CEP63: variants seen among roughly 807,000 people sequenced by gnomAD.
CEP63 encodes the protein centrosomal protein 63, also known as centrosomal protein of 63 kDa.
A neutral mutation model predicts 89.1 loss-of-function variants in CEP63; 84 were observed. That is an observed-to-expected ratio of 0.94 (90% CI 0.79 to 1.13). The LOEUF (loss-of-function observed/expected upper bound fraction) is 1.13. Among genes scored for constraint, CEP63 ranks in the 50% most tolerant of loss-of-function variants. The probability of loss-of-function intolerance (pLI) is 0.00; values close to 1 mark genes in which losing one functional copy is unlikely to be tolerated. For missense variants in CEP63, 838 were observed against 813.3 expected (o/e 1.03, Z -0.37); for synonymous variants, 267 against 272.5 (o/e 0.98, Z 0.20).
At chr3:134,658,011 C>A in the CEP63 span, among the ~76,000 whole-genome samples, 10 of 152,208 alleles carry the variant, frequency 6.6e-5, no homozygotes, top group Non-Finnish European at 5.9e-5. Context: ...ATTTTCCTGA[C>A]TCAGCCTCCG....
At position 134,564,766 on chromosome 3, in the gene CEP63, A is replaced by C. The variant is rs1395972029; in HGVS notation, c.*3231A>C. Reference sequence around the variant, plus strand: ...TTTAGACAGTCCCAAGCTTCAGCTTAAAATCTGTAGACTGCAGCCCGTTTC... The same window carrying C: ...TTTAGACAGTCCCAAGCTTCAGCTTCAAATCTGTAGACTGCAGCCCGTTTC... On this transcript the variant is annotated 3_prime_UTR_variant, in exon 15 of 15. Coordinates refer to ENST00000675561, the MANE Select transcript of CEP63 (RefSeq NM_001353108.3). 6 of 985,360 alleles carry C rather than the reference A, an allele frequency of 6.1e-6. No individual in the cohort carries two copies. The highest frequency in any genetic ancestry group is 6.1e-5 in the Admixed American group (1 of 16,266). 61.0% of individuals were successfully genotyped at this position (985,360 alleles called of 1,614,324 possible).
chr3:134,695,026 G>A, the CEP63 span, among the ~76,000 whole-genome samples: 2 of 152,180 alleles, frequency 1.3e-5, no homozygotes, highest in Non-Finnish European at 2.9e-5. Context: ...TGTGAAGCAG[G>A]TTCTTGCAAA....
At chr3:134,643,475 C>A in the CEP63 span, 1 of 1,014,410 alleles carries the variant, frequency 9.9e-7, no homozygotes, top group Non-Finnish European at 1.5e-6. Context: ...GGTGGGCTGG[C>A]GGGGGCCAAG....
chr3:134,533,921 A>T (rs1339752298), intron 5 of CEP63, among the ~76,000 whole-genome samples: 2 of 152,180 alleles, frequency 1.3e-5, no homozygotes, highest in Admixed American at 1.3e-4. Context: ...AGAGCTTAGA[A>T]TCAGAAGACT....
chr3:134,647,620 G>T, the CEP63 span: 1 of 605,870 alleles, frequency 1.7e-6, no homozygotes, highest in Non-Finnish European at 2.9e-6. Flanking sequence ...TCTGAGAGAG[G>T]CTACCCATGA....
chr3:134,651,568 A>G, the CEP63 span: 3 of 992,018 alleles, frequency 3.0e-6, no homozygotes, highest in Non-Finnish European at 2.4e-6. Context: ...TTGGAGGTTG[A>G]CAGCTCTCTC....
rs1327155591 is a variant in CEP63 at position 134,522,247 on chromosome 3, A to G, written c.223-9598A>G. On this transcript the variant is annotated intron_variant, in intron 3 of 14. Coordinates refer to ENST00000675561, the MANE Select transcript of CEP63 (RefSeq NM_001353108.3). ...ATGGATGAAAAGACTCAAAGTGCCAAGAGATCAGGAAAATTCAGATCAATC... is the reference window on the plus strand; with the variant it reads ...ATGGATGAAAAGACTCAAAGTGCCAGGAGATCAGGAAAATTCAGATCAATC... Among the ~76,000 whole-genome samples the G allele has an allele frequency of 2.0e-5, 3 of 152,202 alleles. 1 individual carries two copies. Among genetic ancestry groups the G allele is most frequent in the South Asian group, 4.1e-4 (2 of 4,830 alleles).
chr3:134,739,703 G>GTTT, the CEP63 span, among the ~76,000 whole-genome samples: 647 of 143,704 alleles, frequency 4.5e-3, 4 homozygotes, highest in Non-Finnish European at 6.4e-3. Flanking sequence ...ATCAATGCTT[G>GTTT]TTTTTTTTTT....
chr3:134,661,137 T>A, the CEP63 span, among the ~76,000 whole-genome samples: 1 of 152,234 alleles, frequency 6.6e-6, no homozygotes, highest in Non-Finnish European at 1.5e-5. Context: ...GCAGCCTTCC[T>A]GCCCAGCCCA....
At chr3:134,608,512 C>G in the CEP63 span, 1 of 1,570,148 alleles carries the variant, frequency 6.4e-7, no homozygotes, top group East Asian at 2.3e-5. Context: ...CATGCACACA[C>G]AAGCTTTGTG....
the CEP63 span, among the ~76,000 whole-genome samples, chr3:134,606,176 G>T: frequency 6.6e-6 from 1 of 152,122 alleles, no homozygotes; most frequent in African/African-American, 2.4e-5. Flanking sequence ...AACTGGCTGT[G>T]AGTCTTTTCT....
At position 134,546,113 on chromosome 3, in the gene CEP63, G is replaced by C. The variant is rs77743283; in HGVS notation, c.790-36G>C. 3.1e-4 allele frequency: 492 copies of C among 1,609,782 alleles called. 1 individual carries two copies. The African/African-American group carries it at 5.7e-3, about 19-fold the overall frequency. On this transcript the variant is annotated intron_variant, in intron 7 of 14. Transcript: ENST00000675561. Reference sequence around the variant, plus strand: ...TTGCAGGTTCTGCAGGAATTAAAAAGAAGGAAAATTATAATCATATTTGAC... The same window carrying C: ...TTGCAGGTTCTGCAGGAATTAAAAACAAGGAAAATTATAATCATATTTGAC...
the CEP63 span, among the ~76,000 whole-genome samples, chr3:134,729,351 T>C: frequency 6.6e-6 from 1 of 152,212 alleles, no homozygotes; most frequent in Non-Finnish European, 1.5e-5. Context: ...AGGTAGCATG[T>C]TATACATACT....
intron 6 of CEP63, among the ~76,000 whole-genome samples, chr3:134,544,643 G>GT (rs1952822940): frequency 6.8e-6 from 1 of 147,828 alleles, no homozygotes; most frequent in South Asian, 2.2e-4. Flanking sequence ...AGGTGGGGGG[G>GT]GGAATTTAAA....
At chr3:134,755,384 G>A in the CEP63 span, among the ~76,000 whole-genome samples, 2 of 152,202 alleles carry the variant, frequency 1.3e-5, no homozygotes, top group Non-Finnish European at 1.5e-5. Context: ...CAGCATCTCC[G>A]ATCCCAGAGA....
the CEP63 span, among the ~76,000 whole-genome samples, chr3:134,766,867 C>T: frequency 6.6e-6 from 1 of 152,220 alleles, no homozygotes; most frequent in African/African-American, 2.4e-5. Context: ...CTGGCACCCA[C>T]ATTTCACTCC....
At chr3:134,751,146 G>A in the CEP63 span, among the ~76,000 whole-genome samples, 2 of 152,314 alleles carry the variant, frequency 1.3e-5, no homozygotes, top group Non-Finnish European at 2.9e-5. Flanking sequence ...ATCACACAAT[G>A]TGTGACCTTT....
At chr3:134,657,871 A>T in the CEP63 span, among the ~76,000 whole-genome samples, 5 of 152,218 alleles carry the variant, frequency 3.3e-5, no homozygotes, top group Admixed American at 6.5e-5. Flanking sequence ...ATGATAATTG[A>T]TATATGGTAA....
chr3:134,678,025 A>T, the CEP63 span, among the ~76,000 whole-genome samples: 17 of 151,600 alleles, frequency 1.1e-4, no homozygotes, highest in African/African-American at 3.6e-4. Flanking sequence ...TCAGTATGCC[A>T]CTCCCTGCTC....
Sources: allele counts gnomAD v4.1 joint callset (sites outside exome capture counted in the v4.1 genomes callset), GRCh38; gene constraint gnomAD v4.1.1; transcripts MANE v1.5; gene names NCBI Gene and HGNC (gene_info 2026-07-23, HGNC 2026-07-21).